Variants in DCC observed in about 807,000 individuals in gnomAD.
The protein encoded by DCC is DCC netrin 1 receptor.
A neutral mutation model predicts 172.5 loss-of-function variants in DCC; 58 were observed. The ratio of observed to expected loss-of-function variants is 0.34; its 90% CI spans 0.27 to 0.42. The LOEUF (loss-of-function observed/expected upper bound fraction) is 0.42, where lower values mean the gene tolerates loss of function less well. Among genes scored for constraint, DCC ranks in the 10% least tolerant of loss-of-function variants. DCC has a pLI of 1.00. For missense variants in DCC, 1,740 were observed against 1,791.0 expected, an observed-to-expected ratio of 0.97 and a Z score of 0.51; for synonymous variants, 709 against 644.5, an observed-to-expected ratio of 1.10 and a Z score of -1.52.
At chr18:53,236,578 C>T (rs1017564545) in intron 12 of DCC, among the ~76,000 whole-genome samples, 1 of 152,000 alleles carries the variant, frequency 6.6e-6, no homozygotes, top group Non-Finnish European at 1.5e-5. Context: ...TTTTTTAATG[C>T]TGTCTTTTGA....
intron 5 of DCC, among the ~76,000 whole-genome samples, chr18:53,032,985 G>A (rs2042045428): frequency 6.6e-6 from 1 of 152,114 alleles, no homozygotes; most frequent in South Asian, 2.1e-4. Context: ...GACTCTTAAT[G>A]AGTTGAGAAT....
At chr18:53,227,156 C>T (rs945013624) in intron 12 of DCC, among the ~76,000 whole-genome samples, 1 of 151,090 alleles carries the variant, frequency 6.6e-6, no homozygotes, top group African/African-American at 2.4e-5. Flanking sequence ...ACCATGTTAG[C>T]TAGGAAGGTC....
chr18:53,272,439 AACT>A (rs1165169088), intron 12 of DCC, among the ~76,000 whole-genome samples: 7 of 152,162 alleles, frequency 4.6e-5, no homozygotes, highest in African/African-American at 1.7e-4. Flanking sequence ...TTTCTCACAG[AACT>A]ATCAATTGCC....
chr18:53,529,723 A>T (rs1172399645), intron 28 of DCC, among the ~76,000 whole-genome samples: 1 of 152,166 alleles, frequency 6.6e-6, no homozygotes, highest in African/African-American at 2.4e-5. Flanking sequence ...TTTTCTTTTA[A>T]TTAGGATGTC....
At chr18:52,810,882 C>T (rs562417707) in intron 2 of DCC, among the ~76,000 whole-genome samples, 1 of 152,060 alleles carries the variant, frequency 6.6e-6, no homozygotes, top group African/African-American at 2.4e-5. Flanking sequence ...TGGGGGCCCA[C>T]CCCAGTCTGC....
intron 15 of DCC, among the ~76,000 whole-genome samples, chr18:53,340,747 G>A (rs2057650406): frequency 6.6e-6 from 1 of 152,078 alleles, no homozygotes; most frequent in African/African-American, 2.4e-5. Flanking sequence ...TTTTCATAAA[G>A]CAAAATGTAA....
chr18:53,307,946 T>C (rs1407498321), intron 13 of DCC, among the ~76,000 whole-genome samples: 2 of 129,236 alleles, frequency 1.5e-5, no homozygotes, highest in African/African-American at 5.8e-5. Flanking sequence ...TATATATATA[T>C]ATATGTATTT....
chr18:53,402,836 C>T lies in DCC; in HGVS notation c.2878C>T (p.Pro960Ser). 6.2e-7 allele frequency: 1 copy of T among 1,614,098 alleles called. No individual in the cohort carries two copies. Among genetic ancestry groups the T allele is most frequent in the Non-Finnish European group, 8.5e-7 (1 of 1,179,990 alleles). Residue 960 changes from proline (P) to serine (S), a missense_variant, in exon 19 of 29, where the codon CCT (proline) becomes TCT (serine). Physicochemically the swap from Pro to Ser is moderately conservative, Grantham distance 74. Coordinates refer to ENST00000442544, the MANE Select transcript of DCC (RefSeq NM_005215.4). Reference protein sequence around the residue: ...DLTVITREGKPRAVIVSWQPP... With the variant: ...DLTVITREGKSRAVIVSWQPP... ...GACAGTCATTACTAGGGAAGGGAAG[C>T]CTCGTGCCGTCATTGTGAGTTGGCA...
chr18:52,493,742 A>G (rs966521925), intron 1 of DCC, among the ~76,000 whole-genome samples: 2 of 152,024 alleles, frequency 1.3e-5, no homozygotes, highest in African/African-American at 4.8e-5. Flanking sequence ...TACCTTAGAG[A>G]TATTAACATG....
At chr18:53,303,862 G>A (rs1280998479) in intron 12 of DCC, among the ~76,000 whole-genome samples, 4 of 152,144 alleles carry the variant, frequency 2.6e-5, no homozygotes, top group African/African-American at 9.7e-5. Context: ...GAAGAATCAG[G>A]TCACATGAAC....
chr18:52,801,521 A>G (rs985529570), intron 2 of DCC, among the ~76,000 whole-genome samples: 1 of 152,252 alleles, frequency 6.6e-6, no homozygotes, highest in Non-Finnish European at 1.5e-5. Flanking sequence ...AGATTGCCTT[A>G]GTCAAATAAA....
At chr18:52,797,687 G>C (rs1050692233) in intron 2 of DCC, among the ~76,000 whole-genome samples, 1 of 152,138 alleles carries the variant, frequency 6.6e-6, no homozygotes, top group East Asian at 1.9e-4. Flanking sequence ...GTGTGTGCAG[G>C]CACCAGCAGT....
chr18:52,812,877 C>A (rs1274034845), intron 2 of DCC, among the ~76,000 whole-genome samples: 1 of 152,148 alleles, frequency 6.6e-6, no homozygotes, highest in East Asian at 1.9e-4. Context: ...GGAACTTACG[C>A]CTCTGGGTAA....
At chr18:52,676,779 C>T (rs951104682) in intron 1 of DCC, among the ~76,000 whole-genome samples, 4 of 152,084 alleles carry the variant, frequency 2.6e-5, no homozygotes, top group African/African-American at 9.7e-5. Flanking sequence ...CTTTTAGGAG[C>T]CAGTGGACCT....
At position 53,305,649 on chromosome 18, in the gene DCC, A is replaced by C; in HGVS notation, c.1983A>C (p.Arg661=). The C allele has an allele frequency of 6.2e-7, 1 of 1,614,064 alleles. No individual in the cohort carries two copies. Among genetic ancestry groups the C allele is most frequent in the East Asian group, 2.2e-5 (1 of 44,882 alleles). ...QNGFITGYKI[R]HRKTTRRGEM... ...GATTTATTACCGGCTATAAAATTCG[A>C]CACAGAAAGACGACCCGCAGGGGTG... is the stretch of plus-strand genomic sequence containing the variant. Residue 661 remains arginine, a synonymous_variant, in exon 13 of 29, where the codon CGA becomes CGC. Coordinates refer to ENST00000442544, the MANE Select transcript of DCC (RefSeq NM_005215.4).
intron 7 of DCC, among the ~76,000 whole-genome samples, chr18:53,144,658 C>T (rs2043879397): frequency 6.6e-6 from 1 of 152,132 alleles, no homozygotes. Context: ...GGGGACACAG[C>T]CAAACCATGT....
At chr18:53,241,398 C>G (rs1047908298) in intron 12 of DCC, among the ~76,000 whole-genome samples, 27 of 152,122 alleles carry the variant, frequency 1.8e-4, no homozygotes, top group Admixed American at 1.7e-3. Context: ...TCCTGCTTTC[C>G]CCCACGGAGC....
intron 2 of DCC, among the ~76,000 whole-genome samples, chr18:52,840,759 C>A (rs182460495): frequency 4.6e-5 from 7 of 152,258 alleles, no homozygotes; most frequent in Non-Finnish European, 8.8e-5. Flanking sequence ...CTTATTTAAA[C>A]CATGAACATC....
chr18:53,120,090 T>C (rs1490344193), intron 7 of DCC, among the ~76,000 whole-genome samples: 1 of 151,856 alleles, frequency 6.6e-6, no homozygotes, highest in Non-Finnish European at 1.5e-5. Flanking sequence ...TATCCAGCTG[T>C]ATTTCAACCA....
Sources: allele counts gnomAD v4.1 joint callset (sites outside exome capture counted in the v4.1 genomes callset), GRCh38; gene constraint gnomAD v4.1.1; transcripts MANE v1.5; gene names NCBI Gene and HGNC (gene_info 2026-07-23, HGNC 2026-07-21).